The following CDH12 variants were observed in gnomAD, a reference collection of about 807,000 sequenced individuals.
CDH12 encodes the protein cadherin-12.
Under a neutral mutation model 74.1 loss-of-function variants are expected in CDH12, and 41 were observed. The ratio of observed to expected loss-of-function variants is 0.55; its 90% CI spans 0.43 to 0.72. CDH12 has a LOEUF of 0.72. CDH12 is among the 30% of genes least tolerant of loss of function. The pLI, the probability that CDH12 is intolerant of heterozygous loss-of-function variation, is 0.00. For missense variants in CDH12, 945 were observed against 977.2 expected (o/e 0.97, Z 0.44); for synonymous variants, 399 against 355.0 (o/e 1.12, Z -1.39).
chr5:22,393,026 A>T (rs1445133126), intron 3 of CDH12, among the ~76,000 whole-genome samples: 9 of 152,172 alleles, frequency 5.9e-5, no homozygotes, highest in Non-Finnish European at 1.3e-4. Flanking sequence ...ATATTCCCCA[A>T]CAATGTCTCT....
chr5:22,366,298 T>G (rs1393412632), intron 3 of CDH12, among the ~76,000 whole-genome samples: 1 of 152,082 alleles, frequency 6.6e-6, no homozygotes, highest in African/African-American at 2.4e-5. Context: ...TTCTTTTTTT[T>G]TTAAGTCATG....
At chr5:22,280,319 A>G (rs1308076577) in intron 3 of CDH12, among the ~76,000 whole-genome samples, 4 of 152,170 alleles carry the variant, frequency 2.6e-5, no homozygotes, top group African/African-American at 9.7e-5. Flanking sequence ...AGAACTAGAG[A>G]AGCAAGAGCA....
intron 1 of CDH12, among the ~76,000 whole-genome samples, chr5:22,785,773 C>T (rs1028136679): frequency 6.6e-6 from 1 of 152,138 alleles, no homozygotes; most frequent in South Asian, 2.1e-4. Context: ...TCGTCTCAGC[C>T]TCCCAAAGTT....
At chr5:21,918,546 G>A (rs1407880702) in intron 6 of CDH12, among the ~76,000 whole-genome samples, 1 of 152,048 alleles carries the variant, frequency 6.6e-6, no homozygotes, top group African/African-American at 2.4e-5. Flanking sequence ...CGAAGGGGAA[G>A]CAAGGCACCT....
intron 8 of CDH12, among the ~76,000 whole-genome samples, chr5:21,823,274 T>C (rs1467688334): frequency 6.6e-6 from 1 of 152,180 alleles, no homozygotes; most frequent in African/African-American, 2.4e-5. Flanking sequence ...CATTGGGTTC[T>C]GTGAGGTCAG....
intron 3 of CDH12, among the ~76,000 whole-genome samples, chr5:22,358,207 G>A (rs1048552752): frequency 1.3e-5 from 2 of 152,058 alleles, no homozygotes; most frequent in Non-Finnish European, 2.9e-5. Flanking sequence ...TCAGGAGTTC[G>A]AGACTAGCCT....
chr5:22,494,566 T>C (rs1280147486), intron 2 of CDH12, among the ~76,000 whole-genome samples: 1 of 152,244 alleles, frequency 6.6e-6, no homozygotes, highest in Non-Finnish European at 1.5e-5. Flanking sequence ...TTTGTGATGT[T>C]CTTGTGACCA....
At chr5:22,721,011 T>C in intron 1 of CDH12, among the ~76,000 whole-genome samples, 1 of 152,196 alleles carries the variant, frequency 6.6e-6, no homozygotes, top group East Asian at 1.9e-4. Flanking sequence ...GCTGAAGAAG[T>C]TTGCATAAGT....
chr5:22,673,363 A>G (rs1037510860), intron 1 of CDH12, among the ~76,000 whole-genome samples: 6 of 152,100 alleles, frequency 3.9e-5, no homozygotes, highest in African/African-American at 9.7e-5. Flanking sequence ...ATTTGCACTT[A>G]ATTATTTTCT....
At chr5:22,822,367 C>A (rs903908324) in intron 1 of CDH12, among the ~76,000 whole-genome samples, 7 of 151,890 alleles carry the variant, frequency 4.6e-5, no homozygotes, top group African/African-American at 9.7e-5. Context: ...GCAACAAAAG[C>A]CAAAATTGAC....
At chr5:22,392,599 C>T (rs1742290853) in intron 3 of CDH12, among the ~76,000 whole-genome samples, 2 of 152,188 alleles carry the variant, frequency 1.3e-5, no homozygotes, top group African/African-American at 2.4e-5. Flanking sequence ...TGTTCCTTTA[C>T]AACTCCAACA....
intron 11 of CDH12, among the ~76,000 whole-genome samples, chr5:21,782,846 C>T (rs1453864213): frequency 1.3e-5 from 2 of 152,042 alleles, no homozygotes; most frequent in Admixed American, 6.6e-5. Context: ...CATTTTGAGC[C>T]ACTCCTTGAA....
intron 6 of CDH12, among the ~76,000 whole-genome samples, chr5:21,880,616 C>CTTCCTTCTTTCTTTCTCT (rs758455941): frequency 9.8e-5 from 5 of 50,866 alleles, no homozygotes; most frequent in African/African-American, 4.4e-4. Context: ...TCCTTCCTTC[C>CTTCCTTCTTTCTTTCTCT]TTCTTTCTTT....
chr5:21,816,873 T>G, intron 9 of CDH12, 72 bp downstream of exon 9: 1 of 1,067,550 alleles, frequency 9.4e-7, no homozygotes, highest in Non-Finnish European at 1.3e-6. Context: ...TTACTTGTCA[T>G]TTTCAATATT....
At chr5:22,643,588 A>G (rs927139321) in intron 1 of CDH12, among the ~76,000 whole-genome samples, 1 of 152,120 alleles carries the variant, frequency 6.6e-6, no homozygotes, top group Non-Finnish European at 1.5e-5. Flanking sequence ...TGATGTTGTA[A>G]ACAAACAAGT....
At chr5:22,066,720 C>T (rs1458874072) in intron 5 of CDH12, among the ~76,000 whole-genome samples, 1 of 152,168 alleles carries the variant, frequency 6.6e-6, no homozygotes, top group Non-Finnish European at 1.5e-5. Context: ...AGCCAAGCAA[C>T]ATGACATTCT....
At chr5:22,322,674 T>A (rs868562830) in intron 3 of CDH12, among the ~76,000 whole-genome samples, 4 of 152,202 alleles carry the variant, frequency 2.6e-5, no homozygotes, top group African/African-American at 9.6e-5. Flanking sequence ...AAATCAGATT[T>A]ATTTTCTTTT....
At chr5:22,661,236 A>T (rs1740331884) in intron 1 of CDH12, among the ~76,000 whole-genome samples, 1 of 152,190 alleles carries the variant, frequency 6.6e-6, no homozygotes, top group Non-Finnish European at 1.5e-5. Flanking sequence ...CTAACAAAGA[A>T]TTAGCTGCAG....
At chr5:22,842,184 C>A (rs1357744933) in intron 1 of CDH12, among the ~76,000 whole-genome samples, 1 of 152,092 alleles carries the variant, frequency 6.6e-6, no homozygotes, top group African/African-American at 2.4e-5. Flanking sequence ...TGGGACTAAA[C>A]TTTACTTCTA....
Sources: allele counts gnomAD v4.1 joint callset (sites outside exome capture counted in the v4.1 genomes callset), GRCh38; gene constraint gnomAD v4.1.1; transcripts MANE v1.5; gene names NCBI Gene and HGNC (gene_info 2026-07-23, HGNC 2026-07-21).